AKT3: variants seen among roughly 807,000 people sequenced by gnomAD.
AKT3 encodes AKT serine/threonine kinase 3.
A neutral mutation model predicts 65.3 loss-of-function variants in AKT3; 15 were observed. The observed-to-expected ratio is 0.23, with a 90% confidence interval of 0.15 to 0.35. The LOEUF (loss-of-function observed/expected upper bound fraction) is 0.35. Among genes scored for constraint, AKT3 ranks in the 10% least tolerant of loss-of-function variants. The probability of loss-of-function intolerance (pLI) is 1.00; values close to 1 mark genes in which losing one functional copy is unlikely to be tolerated. For synonymous variants in AKT3, 206 were observed against 183.8 expected (o/e 1.12, Z -0.98); for missense variants, 243 against 576.5 (o/e 0.42, Z 5.92).
At chr1:243,674,721 T>C (rs941562313) in intron 3 of AKT3, among the ~76,000 whole-genome samples, 2 of 152,232 alleles carry the variant, frequency 1.3e-5, no homozygotes, top group African/African-American at 4.8e-5. Context: ...CTTAATGCAT[T>C]CTGGTCTAAA....
intron 12 of AKT3, among the ~76,000 whole-genome samples, chr1:243,541,755 G>A (rs1290782186): frequency 6.6e-6 from 1 of 151,972 alleles, no homozygotes; most frequent in African/African-American, 2.4e-5. Flanking sequence ...TAGAAATGAA[G>A]TAAAACTTTA....
intron 8 of AKT3, among the ~76,000 whole-genome samples, chr1:243,583,577 A>G (rs115307062): frequency 0.019 from 2,852 of 150,876 alleles, 36 homozygotes; most frequent in Admixed American, 0.035. Flanking sequence ...AGAAAAAGAA[A>G]AAGAAAAACA....
chr1:243,779,667 A>G (rs775739887), intron 2 of AKT3, among the ~76,000 whole-genome samples: 1 of 152,154 alleles, frequency 6.6e-6, no homozygotes, highest in South Asian at 2.1e-4. Context: ...AAAATACTGC[A>G]TGAAGAACAA....
At chr1:243,637,251 TA>T (rs1680040259) in intron 6 of AKT3, among the ~76,000 whole-genome samples, 2 of 151,650 alleles carry the variant, frequency 1.3e-5, no homozygotes, top group Admixed American at 6.6e-5. Flanking sequence ...AATTTATGAG[TA>T]AAAATCATCT....
intron 8 of AKT3, among the ~76,000 whole-genome samples, chr1:243,597,147 C>T (rs1347270199): frequency 6.6e-6 from 1 of 152,024 alleles, no homozygotes; most frequent in African/African-American, 2.4e-5. Context: ...GGGCTACATG[C>T]ATATATATGT....
chr1:243,703,531 C>G (rs938285056), intron 2 of AKT3, among the ~76,000 whole-genome samples: 1 of 152,050 alleles, frequency 6.6e-6, no homozygotes, highest in Non-Finnish European at 1.5e-5. Flanking sequence ...GAGGCTGAGG[C>G]AGGCGGATCA....
chr1:243,635,828 C>T (rs1572068931), intron 6 of AKT3, among the ~76,000 whole-genome samples: 1 of 151,982 alleles, frequency 6.6e-6, no homozygotes, highest in African/African-American at 2.4e-5. Flanking sequence ...CTGAGAAGGG[C>T]ACAGCAGGAA....
At chr1:243,535,207 T>TAATTTTAAAATA (rs1214375811) in intron 12 of AKT3, among the ~76,000 whole-genome samples, 8 of 147,660 alleles carry the variant, frequency 5.4e-5, no homozygotes, top group African/African-American at 2.1e-4. Flanking sequence ...TATTTTAAAA[T>TAATTTTAAAATA]TATTTTAAAA....
At chr1:243,602,661 T>C (rs1677101206) in intron 8 of AKT3, among the ~76,000 whole-genome samples, 1 of 152,122 alleles carries the variant, frequency 6.6e-6, no homozygotes. Flanking sequence ...ATCTCAAGAA[T>C]GGCAAGAACC....
intron 2 of AKT3, among the ~76,000 whole-genome samples, chr1:243,719,863 AAC>A (rs775048585): frequency 6.6e-6 from 1 of 152,142 alleles, no homozygotes; most frequent in Admixed American, 6.5e-5. Context: ...AGCTGCAAAA[AAC>A]AGTCTAGATT....
intron 2 of AKT3, among the ~76,000 whole-genome samples, chr1:243,758,406 G>A: frequency 6.6e-6 from 1 of 152,304 alleles, no homozygotes; most frequent in Middle Eastern, 3.4e-3. Context: ...TCTTGACATA[G>A]GGAATAGCAA....
rs144064072 is a variant in AKT3 at position 243,646,937 on chromosome 1, A to T, written c.285-900T>A. Among the ~76,000 whole-genome samples, 12 of 152,322 alleles carry T rather than the reference A, an allele frequency of 7.9e-5. No homozygotes were observed. The East Asian group carries it at 2.3e-3, about 29-fold the overall frequency. Reference sequence around the variant, plus strand: ...TTGACATTTGGTTATCAGACCAAGGATCATTATTTTTCCATGTGAATTTTA... The same window carrying T: ...TTGACATTTGGTTATCAGACCAAGGTTCATTATTTTTCCATGTGAATTTTA... On this transcript the variant is annotated intron_variant, in intron 4 of 13. Transcript: ENST00000673466.
At chr1:243,826,529 G>T (rs1011149016) in intron 2 of AKT3, among the ~76,000 whole-genome samples, 1 of 152,170 alleles carries the variant, frequency 6.6e-6, no homozygotes, top group South Asian at 2.1e-4. Context: ...CCTAATATAA[G>T]GGACAGTGTG....
intron 9 of AKT3, among the ~76,000 whole-genome samples, chr1:243,572,063 C>A (rs894510429): frequency 6.6e-6 from 1 of 152,164 alleles, no homozygotes; most frequent in Non-Finnish European, 1.5e-5. Flanking sequence ...TTGCTTCTTA[C>A]AAAAGAAAGA....
At chr1:243,567,485 TC>T (rs901762684) in intron 9 of AKT3, among the ~76,000 whole-genome samples, 2 of 143,998 alleles carry the variant, frequency 1.4e-5, no homozygotes, top group African/African-American at 2.6e-5. Flanking sequence ...GTTTGTTTCT[TC>T]CTTTTTTTTT....
At chr1:243,635,406 T>C (rs1432928346) in intron 6 of AKT3, among the ~76,000 whole-genome samples, 1 of 150,582 alleles carries the variant, frequency 6.6e-6, no homozygotes. Context: ...AAGCAAGCAG[T>C]AGGAAAAAAA....
chr1:243,828,228 T>C (rs1232192705), intron 2 of AKT3, among the ~76,000 whole-genome samples: 3 of 152,188 alleles, frequency 2.0e-5, no homozygotes, highest in Non-Finnish European at 4.4e-5. Flanking sequence ...ATTTAATATG[T>C]CCCATGCAGT....
chr1:243,597,588 C>T (rs1387159013), intron 8 of AKT3, among the ~76,000 whole-genome samples: 2 of 152,178 alleles, frequency 1.3e-5, no homozygotes, highest in African/African-American at 4.8e-5. Flanking sequence ...GCAGCCTCAA[C>T]CTCTTGGGCT....
intron 1 of AKT3, 41 bp from the exon 2 acceptor site, chr1:243,843,323 T>TG (rs928755487): frequency 1.5e-6 from 2 of 1,379,134 alleles, no homozygotes; most frequent in Non-Finnish European, 1.9e-6. Context: ...TTTCCATTCT[T>TG]GCAACTCACA....
Sources: allele counts gnomAD v4.1 joint callset (sites outside exome capture counted in the v4.1 genomes callset), GRCh38; gene constraint gnomAD v4.1.1; transcripts MANE v1.5; gene names NCBI Gene and HGNC (gene_info 2026-07-23, HGNC 2026-07-21).